Variants in EOLA2 observed in about 807,000 individuals in gnomAD.
The protein encoded by EOLA2 is protein EOLA2.
Under a neutral mutation model 4.1 loss-of-function variants are expected in EOLA2, and 3 were observed. The observed-to-expected ratio is 0.73, with a 90% CI of 0.33 to 1.89. The LOEUF is 1.89. Among genes scored for constraint, EOLA2 ranks in the 40% most tolerant of loss-of-function variants. The probability of loss-of-function intolerance (pLI) is 0.08; values close to 1 mark genes in which losing one functional copy is unlikely to be tolerated. For missense variants in EOLA2, 109 were observed against 126.4 expected (o/e 0.86, Z 0.66); for synonymous variants, 52 against 51.7 (o/e 1.01, Z -0.03).
chrX:149,932,129 A>C (rs2090882602), downstream of EOLA2: 1 of 774,550 alleles, frequency 1.3e-6, no homozygotes, highest in African/African-American at 2.3e-5. Flanking sequence ...TGCTAGTTAC[A>C]CATTTGATGA....
chrX:149,934,567 A>G (rs1603031458), intron 2 of EOLA2: 2 of 753,654 alleles, frequency 2.7e-6, no homozygotes, highest in Non-Finnish European at 3.1e-6. Context: ...CCCTGTCCCA[A>G]TCTGAGCTGA....
At chrX:149,930,031 C>T, downstream of EOLA2, 1 of 1,158,901 alleles carries the variant, frequency 8.6e-7, no homozygotes, top group Non-Finnish European at 1.1e-6. Flanking sequence ...AGAGGATCTT[C>T]AAAACAGACA....
At position 149,938,458 on chromosome X, in the gene EOLA2, C is replaced by G. The variant is rs2091058535; in HGVS notation, c.-476G>C. 1 of 112,810 alleles carries G rather than the reference C, an allele frequency of 8.9e-6. No individual in the cohort carries two copies. The highest frequency in any genetic ancestry group is 3.2e-5 in the African/African-American group (1 of 31,031). 9.3% of individuals were successfully genotyped at this position (112,810 alleles called of 1,213,427 possible). ...CCATAACTTCGGCTTTCATGCAGCT[C>G]CCGTCGTCCCTTTCATGAGGAACGT... On this transcript the variant is annotated 5_prime_UTR_variant, in exon 1 of 5. Coordinates refer to ENST00000370406, the MANE Select transcript of EOLA2 (RefSeq NM_001013845.2).
downstream of EOLA2, chrX:149,930,489 A>G (rs2124126691): frequency 3.7e-6 from 1 of 271,793 alleles, no homozygotes; most frequent in African/African-American, 3.0e-5. Flanking sequence ...TGCCACTTAA[A>G]GCATTCTTTT....
chrX:149,934,048 A>G lies in EOLA2; in HGVS notation c.-73T>C. 9.2e-7 allele frequency: 1 copy of G among 1,090,304 alleles called. No homozygotes were observed. The highest frequency in any genetic ancestry group is 1.2e-6 in the Non-Finnish European group (1 of 839,554). The allele number at this position is 1,090,304 out of a possible 1,213,427, so 89.9% of individuals were successfully genotyped here. A position where few individuals can be genotyped will look rare whatever the true frequency, so the allele number is the denominator to read the frequency against. Reference sequence around the variant, plus strand: ...CCGTCTGTCACTGATGTCGAGCACCACAGCAGGCCCAAGGGAAGGGGCTAG... The same window carrying G: ...CCGTCTGTCACTGATGTCGAGCACCGCAGCAGGCCCAAGGGAAGGGGCTAG... On this transcript the variant is annotated 5_prime_UTR_variant, in exon 3 of 5. Coordinates refer to ENST00000370406, the MANE Select transcript of EOLA2 (RefSeq NM_001013845.2).
downstream of EOLA2, among the ~76,000 whole-genome samples, chrX:149,930,280 G>A (rs782783938): frequency 1.8e-5 from 2 of 112,161 alleles, no homozygotes; most frequent in Non-Finnish European, 3.8e-5. Flanking sequence ...GAAAAGTATA[G>A]AACTTAAAAA....
downstream of EOLA2, chrX:149,931,174 C>T: frequency 1.1e-6 from 1 of 930,168 alleles, no homozygotes; most frequent in East Asian, 4.2e-5. Context: ...CGTGAACTCA[C>T]AGGCCACTAA....
rs201330062 is a variant in EOLA2, at chrX:149,933,860, G to A, written c.15C>T (p.Cys5=). Residue 5 remains cysteine (C), a synonymous_variant, in exon 4 of 5, where the codon TGC becomes TGT. Transcript: ENST00000370406. MKFG[C]LSFRQPYAGF... is the part of the protein sequence containing the mutation. ...CAGCATAAGGCTGCCGGAAGGAGAG[G>A]CAGCCAAACTTCATCTTCGCAAGCG... is the stretch of plus-strand genomic sequence containing the variant. 530 of 1,200,967 alleles carry A rather than the reference G, an allele frequency of 4.4e-4. 1 individual carries two copies. The highest frequency in any genetic ancestry group is 4.6e-4 in the Middle Eastern group (2 of 4,332).
chrX:149,931,450 A>G (rs2124131689), downstream of EOLA2, among the ~76,000 whole-genome samples: 1 of 108,248 alleles, frequency 9.2e-6, no homozygotes, highest in East Asian at 2.9e-4. Context: ...GTTGCTAGGA[A>G]GTGTCGAGGC....
At chrX:149,935,113 T>G (rs1467434864) in intron 2 of EOLA2, among the ~76,000 whole-genome samples, 3 of 104,361 alleles carry the variant, frequency 2.9e-5, no homozygotes, top group African/African-American at 1.1e-4. Flanking sequence ...AAACGCAACC[T>G]CTAGTACGCT....
intron 3 of EOLA2, 40 bp from the exon 4 acceptor site, chrX:149,933,943 A>G (rs1216703186): frequency 1.7e-6 from 2 of 1,173,718 alleles, no homozygotes; most frequent in Non-Finnish European, 2.3e-6. Context: ...CAGCCCTTCA[A>G]GCTCATGGGC....
chrX:149,938,285 C>T lies in EOLA2; in HGVS notation c.-303G>A, dbSNP rs1318645502. On this transcript the variant is annotated 5_prime_UTR_variant, in exon 1 of 5. Coordinates refer to ENST00000370406, the MANE Select transcript of EOLA2 (RefSeq NM_001013845.2). ...GCTTTTGGCCTCAGAGTACAGTCCTCCGCCTCCTCGCGACCCAGCGAGGCC... is the reference window on the plus strand; with the variant it reads ...GCTTTTGGCCTCAGAGTACAGTCCTTCGCCTCCTCGCGACCCAGCGAGGCC... 1 of 112,855 alleles carries T rather than the reference C, an allele frequency of 8.9e-6. No homozygotes were observed. The highest frequency in any genetic ancestry group is 3.6e-4 in the South Asian group (1 of 2,751). The allele number at this position is 112,855 out of a possible 1,213,427, so 9.3% of individuals were successfully genotyped here.
At chrX:149,933,349 C>T (rs1420346241) in intron 4 of EOLA2, among the ~76,000 whole-genome samples, 1 of 108,575 alleles carries the variant, frequency 9.2e-6, no homozygotes, top group Non-Finnish European at 1.9e-5. Context: ...ACCACAAACA[C>T]CATGTGCACA....
intron 1 of EOLA2, 40 bp from the exon 2 acceptor site, chrX:149,937,520 G>A: frequency 1.1e-5 from 5 of 452,356 alleles, no homozygotes; most frequent in Non-Finnish European, 1.4e-5. Flanking sequence ...GTCATTAAAT[G>A]CAAGTCAGCA....
In EOLA2 at chrX:149,932,248, T is replaced by C. The variant is rs201043888; in HGVS notation, c.*296A>G. The stretch of plus-strand genomic sequence containing the variant: ...ATCCAGAAACTAGCAGGACCAAAAT[T>C]AGCAGCAATGCTGAGACATTTACTG... On this transcript the variant is annotated 3_prime_UTR_variant, in exon 5 of 5. Transcript: ENST00000370406. 2.2e-4 allele frequency: 150 copies of C among 672,714 alleles called. 1 individual carries two copies. In the East Asian group the frequency reaches 8.1e-3, roughly 36 times the overall value. The allele number at this position is 672,714 out of a possible 1,213,427, so 55.4% of individuals were successfully genotyped here.
intron 2 of EOLA2, among the ~76,000 whole-genome samples, chrX:149,937,180 G>A (rs1557376337): frequency 1.8e-5 from 2 of 111,627 alleles, no homozygotes; most frequent in African/African-American, 3.3e-5. Flanking sequence ...AAGATAACCA[G>A]GTTCCTTGGT....
chrX:149,938,280 G>A lies in EOLA2; in HGVS notation c.-298C>T, dbSNP rs782092890. 2 of 112,959 alleles carry A rather than the reference G, an allele frequency of 1.8e-5. No individual in the cohort carries two copies. The highest frequency in any genetic ancestry group is 7.3e-4 in the South Asian group (2 of 2,740). 9.3% of individuals were successfully genotyped at this position (112,959 alleles called of 1,213,427 possible). On this transcript the variant is annotated 5_prime_UTR_variant, in exon 1 of 5. Transcript: ENST00000370406. ...CTCTGGCTTTTGGCCTCAGAGTACAGTCCTCCGCCTCCTCGCGACCCAGCG... is the reference window on the plus strand; with the variant it reads ...CTCTGGCTTTTGGCCTCAGAGTACAATCCTCCGCCTCCTCGCGACCCAGCG...
intron 2 of EOLA2, 27 bp downstream of exon 2, chrX:149,937,406 C>T (rs1557376406): frequency 7.3e-6 from 5 of 680,481 alleles, no homozygotes; most frequent in African/African-American, 4.8e-5. Context: ...GGTTGAGTCC[C>T]CTCCTACCTG....
At chrX:149,934,375 A>G in intron 2 of EOLA2, 1 of 638,281 alleles carries the variant, frequency 1.6e-6, no homozygotes, top group Non-Finnish European at 1.9e-6. Flanking sequence ...CAAGGCACTG[A>G]CCTTCCCAGC....
Sources: gnomAD v4.1 joint callset for allele counts (sites outside exome capture counted in the v4.1 genomes callset) on GRCh38, gnomAD v4.1.1 for gene constraint, MANE v1.5 for transcripts, NCBI Gene and HGNC (gene_info 2026-07-23, HGNC 2026-07-21) for gene names.